Variants in STARD13 observed in about 807,000 individuals in gnomAD.
STARD13 encodes stAR-related lipid transfer protein 13.
Under a neutral mutation model 106.4 loss-of-function variants are expected in STARD13, and 62 were observed. The observed-to-expected ratio is 0.58, with a 90% CI of 0.48 to 0.72. The LOEUF is 0.72. Among genes scored for constraint, STARD13 ranks in the 30% least tolerant of loss-of-function variants. The probability of loss-of-function intolerance (pLI) is 0.00; values close to 1 mark genes in which losing one functional copy is unlikely to be tolerated. For synonymous variants in STARD13, 565 were observed against 553.0 expected (o/e 1.02, Z -0.31); for missense variants, 1,387 against 1,424.0 (o/e 0.97, Z 0.42).
At chr13:33,390,569 A>G in the STARD13 span, among the ~76,000 whole-genome samples, 1 of 152,214 alleles carries the variant, frequency 6.6e-6, no homozygotes, top group Non-Finnish European at 1.5e-5. Flanking sequence ...TAAGAGGGCA[A>G]AAATAAATGA....
rs528447844 is a variant in STARD13 at position 33,152,832 on chromosome 13, C to T, written c.324-10459G>A. The stretch of plus-strand genomic sequence containing the variant: ...CTAGTCTGGGAAATGTGCCTGGTCC[C>T]GCGTTAATTCCCGTATTACATGGGG... On this transcript the variant is annotated intron_variant, in intron 3 of 13. Coordinates refer to ENST00000336934, the MANE Select transcript of STARD13 (RefSeq NM_178006.4). Among the ~76,000 whole-genome samples, 70 of 152,212 alleles carry T rather than the reference C, an allele frequency of 4.6e-4. 1 individual carries two copies. In the South Asian group the frequency reaches 0.013, roughly 29 times the overall value.
At chr13:33,382,025 T>TA in the STARD13 span, among the ~76,000 whole-genome samples, 1 of 152,294 alleles carries the variant, frequency 6.6e-6, no homozygotes, top group Non-Finnish European at 1.5e-5. Context: ...ATGAACTCCA[T>TA]AAGCTGAAGA....
At chr13:33,327,971 G>T (rs932297022) in intron 1 of STARD13, among the ~76,000 whole-genome samples, 7 of 152,190 alleles carry the variant, frequency 4.6e-5, no homozygotes, top group African/African-American at 1.7e-4. Context: ...AGATAAGGTG[G>T]CAGGCCACTA....
intron 1 of STARD13, among the ~76,000 whole-genome samples, chr13:33,219,042 T>C (rs962325193): frequency 6.6e-6 from 1 of 152,186 alleles, no homozygotes; most frequent in African/African-American, 2.4e-5. Context: ...ATTTTAAAAA[T>C]ATAACAATCG....
chr13:33,643,202 C>G, the STARD13 span, among the ~76,000 whole-genome samples: 3 of 149,654 alleles, frequency 2.0e-5, no homozygotes, highest in Non-Finnish European at 4.4e-5. Context: ...CACACACACA[C>G]AGATAGAGGA....
chr13:33,546,717 T>TA, the STARD13 span, among the ~76,000 whole-genome samples: 1 of 151,996 alleles, frequency 6.6e-6, no homozygotes, highest in Non-Finnish European at 1.5e-5. Flanking sequence ...AGTCTCCACT[T>TA]ACTGCAACCT....
chr13:33,594,623 A>T, the STARD13 span, among the ~76,000 whole-genome samples: 1 of 152,180 alleles, frequency 6.6e-6, no homozygotes, highest in Non-Finnish European at 1.5e-5. Context: ...CCATATCCAG[A>T]ACTTTTTACC....
chr13:33,354,172 A>G (rs759620080), upstream of STARD13, among the ~76,000 whole-genome samples: 21 of 152,082 alleles, frequency 1.4e-4, no homozygotes, highest in Admixed American at 3.9e-4. Context: ...CCACTTCTCT[A>G]TCTCCTGAGT....
the STARD13 span, among the ~76,000 whole-genome samples, chr13:33,433,619 C>G: frequency 1.3e-5 from 2 of 152,140 alleles, no homozygotes; most frequent in Non-Finnish European, 2.9e-5. Flanking sequence ...GAGATCAGAC[C>G]TCTTGCGTTC....
chr13:33,462,553 AC>A, the STARD13 span, among the ~76,000 whole-genome samples: 1 of 152,176 alleles, frequency 6.6e-6, no homozygotes, highest in Non-Finnish European at 1.5e-5. Context: ...AAGTCCCAAA[AC>A]CTCAAAAGTA....
the STARD13 span, among the ~76,000 whole-genome samples, chr13:33,452,977 G>A: frequency 6.6e-6 from 1 of 152,170 alleles, no homozygotes; most frequent in Admixed American, 6.5e-5. Flanking sequence ...AGTAATCACA[G>A]CTGCCACCTC....
the STARD13 span, among the ~76,000 whole-genome samples, chr13:33,423,782 G>A: frequency 6.6e-6 from 1 of 152,122 alleles, no homozygotes; most frequent in Non-Finnish European, 1.5e-5. Flanking sequence ...GGATAAGTTC[G>A]TGTCCTTTGC....
At chr13:33,536,085 T>C in the STARD13 span, among the ~76,000 whole-genome samples, 1 of 152,156 alleles carries the variant, frequency 6.6e-6, no homozygotes, top group Non-Finnish European at 1.5e-5. Flanking sequence ...TTTCCGTGTG[T>C]GCATGTAAAT....
the STARD13 span, among the ~76,000 whole-genome samples, chr13:33,539,949 T>C: frequency 4.9e-4 from 75 of 152,360 alleles, no homozygotes; most frequent in African/African-American, 1.7e-3. Context: ...ACGCATAGTA[T>C]GTAAATAACT....
chr13:33,397,626 T>C, the STARD13 span, among the ~76,000 whole-genome samples: 1 of 152,220 alleles, frequency 6.6e-6, no homozygotes, highest in Non-Finnish European at 1.5e-5. Flanking sequence ...GACAGAGATG[T>C]AGCTTTCTGG....
chr13:33,488,636 C>A, the STARD13 span, among the ~76,000 whole-genome samples: 26 of 152,306 alleles, frequency 1.7e-4, no homozygotes, highest in East Asian at 4.8e-3. Flanking sequence ...TATGCTTTTT[C>A]TTCTACCAGA....
chr13:33,547,218 T>G, the STARD13 span, among the ~76,000 whole-genome samples: 16 of 152,332 alleles, frequency 1.1e-4, no homozygotes, highest in African/African-American at 3.8e-4. Flanking sequence ...CCTTGATGGT[T>G]TGGTTACACA....
the STARD13 span, among the ~76,000 whole-genome samples, chr13:33,604,057 A>T: frequency 2.6e-5 from 4 of 152,222 alleles, no homozygotes; most frequent in Middle Eastern, 3.2e-3. Context: ...AAATTTTGAG[A>T]AATAAAAAGC....
chr13:33,671,395 T>A, the STARD13 span, among the ~76,000 whole-genome samples: 1 of 152,258 alleles, frequency 6.6e-6, no homozygotes, highest in Non-Finnish European at 1.5e-5. Context: ...AAATTGGTTT[T>A]CTGGTTTGCA....
Sources: allele counts gnomAD v4.1 joint callset (sites outside exome capture counted in the v4.1 genomes callset), GRCh38; gene constraint gnomAD v4.1.1; transcripts MANE v1.5; gene names NCBI Gene and HGNC (gene_info 2026-07-23, HGNC 2026-07-21).